Variants in ATF7IP2 observed in about 807,000 individuals in gnomAD.
ATF7IP2 encodes activating transcription factor 7 interacting protein 2, also known as activating transcription factor 7-interacting protein 2.
Under a neutral mutation model 64.2 loss-of-function variants are expected in ATF7IP2, and 42 were observed. That is an observed-to-expected ratio of 0.65 (90% confidence interval 0.51 to 0.85). The LOEUF is 0.85. ATF7IP2 is among the 40% of genes least tolerant of loss of function. The pLI is 0.00. For missense variants in ATF7IP2, 933 were observed against 784.2 expected (o/e 1.19, Z -2.27); for synonymous variants, 308 against 272.8 (o/e 1.13, Z -1.27).
intron 1 of ATF7IP2, among the ~76,000 whole-genome samples, chr16:10,392,715 C>G (rs1460196996): frequency 6.6e-6 from 1 of 151,974 alleles, no homozygotes; most frequent in Admixed American, 6.6e-5. Context: ...AGGCCAGGCA[C>G]AGGCCCATAA....
At chr16:10,466,694 C>T (rs895636636) in intron 9 of ATF7IP2, among the ~76,000 whole-genome samples, 20 of 152,064 alleles carry the variant, frequency 1.3e-4, no homozygotes, top group African/African-American at 4.1e-4. Context: ...ATTTTTTTGA[C>T]AGATACATTT....
intron 9 of ATF7IP2, among the ~76,000 whole-genome samples, chr16:10,465,247 G>C (rs13329829): frequency 0.68 from 102,674 of 152,076 alleles, 34,884 homozygotes; most frequent in East Asian, 0.79. Flanking sequence ...AATGGCAGAG[G>C]CTGGATTTGG....
At chr16:10,414,850 G>C (rs1027074422) in intron 2 of ATF7IP2, among the ~76,000 whole-genome samples, 1 of 152,114 alleles carries the variant, frequency 6.6e-6, no homozygotes, top group Non-Finnish European at 1.5e-5. Context: ...TCCTAGGAAT[G>C]TGGCTTTCTG....
In ATF7IP2 at chr16:10,408,598, G is replaced by A. The variant is rs150397288; in HGVS notation, c.-241-5976G>A. Among the ~76,000 whole-genome samples the A allele has an allele frequency of 5.2e-3, 799 of 152,256 alleles. 1 individual carries two copies. The highest frequency in any genetic ancestry group is 9.0e-3 in the Non-Finnish European group (611 of 68,012). The stretch of plus-strand genomic sequence containing the variant: ...TTTCCCTGATCATTAGTGGTGATGA[G>A]CATTTTTTCATATGTTTGTTGGCCA... On this transcript the variant is annotated intron_variant, in intron 1 of 13. Coordinates refer to ENST00000562102, the MANE Select transcript of ATF7IP2 (RefSeq NM_001393719.1).
At chr16:10,390,457 G>C (rs551568647) in intron 1 of ATF7IP2, among the ~76,000 whole-genome samples, 1 of 152,246 alleles carries the variant, frequency 6.6e-6, no homozygotes, top group East Asian at 1.9e-4. Context: ...GGGCTTAGAG[G>C]AAAATTTACA....
At chr16:10,454,023 C>G (rs1192542301) in intron 8 of ATF7IP2, 3 of 144,698 alleles carry the variant, frequency 2.1e-5, no homozygotes, top group Non-Finnish European at 3.0e-5. Context: ...TTTTTTTTTT[C>G]CATCTTTTAT....
At chr16:10,396,185 C>G (rs541253037) in intron 1 of ATF7IP2, among the ~76,000 whole-genome samples, 5 of 152,086 alleles carry the variant, frequency 3.3e-5, no homozygotes, top group Non-Finnish European at 7.4e-5. Context: ...AAAACATATA[C>G]TCTGAAAACT....
At chr16:10,413,486 G>A (rs1000499297) in intron 1 of ATF7IP2, among the ~76,000 whole-genome samples, 3 of 152,098 alleles carry the variant, frequency 2.0e-5, no homozygotes, top group African/African-American at 7.2e-5. Flanking sequence ...CCAATCTCAG[G>A]TATGTCTTTA....
chr16:10,398,809 A>C (rs1357100778), intron 1 of ATF7IP2, among the ~76,000 whole-genome samples: 2 of 152,122 alleles, frequency 1.3e-5, no homozygotes, highest in African/African-American at 2.4e-5. Flanking sequence ...AATTTCATTT[A>C]GTGAAATATG....
At chr16:10,400,486 C>G (rs139874645) in intron 1 of ATF7IP2, among the ~76,000 whole-genome samples, 2 of 152,320 alleles carry the variant, frequency 1.3e-5, no homozygotes, top group East Asian at 1.9e-4. Context: ...CTTTCTCTCT[C>G]TTGCTTGATT....
chr16:10,431,233 T>C lies in ATF7IP2; in HGVS notation c.613T>C (p.Ser205Pro), dbSNP rs1314393265. 1 of 1,614,144 alleles carries C rather than the reference T, an allele frequency of 6.2e-7. No individual in the cohort carries two copies. Among genetic ancestry groups the C allele is most frequent in the Admixed American group, 1.7e-5 (1 of 60,014 alleles). ...GATGGTTTTCCATTTAGAAACAAAC[T>C]CCAATTCAGAATCACATGATAAAAG... ...DQMVFHLETNSNSESHDKRQS... is the reference protein window; with the variant it reads ...DQMVFHLETNPNSESHDKRQS... The change falls in exon 5 of 14, where the codon TCC (serine) becomes CCC (proline). Residue 205 changes from serine to proline, a missense_variant. Coordinates refer to ENST00000562102, the MANE Select transcript of ATF7IP2 (RefSeq NM_001393719.1).
At chr16:10,442,490 G>A (rs2048662955) in intron 8 of ATF7IP2, among the ~76,000 whole-genome samples, 3 of 152,194 alleles carry the variant, frequency 2.0e-5, no homozygotes. Flanking sequence ...AGCAGCCAGT[G>A]GGAATGAGTA....
Position 10,438,146 on chromosome 16 carries a change from C to A in ATF7IP2, c.1006C>A (p.Leu336Ile), listed in dbSNP as rs2048484190. 1 of 1,598,210 alleles carries A rather than the reference C, an allele frequency of 6.3e-7. No homozygotes were observed. The highest frequency in any genetic ancestry group is 1.4e-5 in the African/African-American group (1 of 73,744). ...GGAGATCTATAGCATAAATTATGAA[C>A]TATTTGATAAGAAACTGAAAGAATT... ...QQEIYSINYE[L>I]FDKKLKELNQ... is the part of the protein sequence containing the mutation. Residue 336 changes from leucine to isoleucine, a missense_variant, in exon 7 of 14, where the codon CTA (leucine) becomes ATA (isoleucine). Physicochemically the swap from Leu to Ile is conservative, Grantham distance 5 (BLOSUM62 2). Coordinates refer to ENST00000562102, the MANE Select transcript of ATF7IP2 (RefSeq NM_001393719.1).
intron 8 of ATF7IP2, among the ~76,000 whole-genome samples, chr16:10,455,356 C>A (rs935207776): frequency 6.6e-6 from 1 of 152,198 alleles, no homozygotes; most frequent in Non-Finnish European, 1.5e-5. Flanking sequence ...ATGAAGTACA[C>A]TGAAGATGGA....
At chr16:10,480,754 T>C (rs1296626416) in intron 12 of ATF7IP2, 125 bp from the exon 13 acceptor site, 2 of 740,910 alleles carry the variant, frequency 2.7e-6, no homozygotes, top group African/African-American at 3.6e-5. Flanking sequence ...TGTATCTTCA[T>C]AATTCACAGT....
At chr16:10,404,114 G>T (rs2047587302) in intron 1 of ATF7IP2, among the ~76,000 whole-genome samples, 1 of 152,178 alleles carries the variant, frequency 6.6e-6, no homozygotes, top group South Asian at 2.1e-4. Context: ...TTGCAACATG[G>T]ATTTAATGCT....
chr16:10,441,873 C>A (rs1393098106), intron 8 of ATF7IP2, among the ~76,000 whole-genome samples: 6 of 152,118 alleles, frequency 3.9e-5, no homozygotes, highest in Non-Finnish European at 8.8e-5. Flanking sequence ...CTGGGAGTCA[C>A]AAAGAAAACA....
intron 9 of ATF7IP2, among the ~76,000 whole-genome samples, chr16:10,470,428 C>G (rs1031459267): frequency 3.9e-5 from 6 of 151,994 alleles, no homozygotes; most frequent in Admixed American, 3.9e-4. Context: ...TAAGATGTTA[C>G]TTCACCCCAA....
chr16:10,467,025 C>T (rs2142048314), intron 9 of ATF7IP2, among the ~76,000 whole-genome samples: 1 of 151,930 alleles, frequency 6.6e-6, no homozygotes, highest in Admixed American at 6.6e-5. Context: ...TGATATCTTG[C>T]CATAAGACAA....
Sources: gnomAD v4.1 joint callset for allele counts (sites outside exome capture counted in the v4.1 genomes callset) on GRCh38, gnomAD v4.1.1 for gene constraint, MANE v1.5 for transcripts, NCBI Gene and HGNC (gene_info 2026-07-23, HGNC 2026-07-21) for gene names.